DDX43: variants seen among roughly 807,000 people sequenced by gnomAD.
DDX43 encodes the protein probable ATP-dependent RNA helicase DDX43.
Under a neutral mutation model 84.9 loss-of-function variants are expected in DDX43, and 50 were observed. The observed-to-expected ratio is 0.59, with a 90% confidence interval of 0.47 to 0.75. The LOEUF (loss-of-function observed/expected upper bound fraction) is 0.75, where lower values mean the gene tolerates loss of function less well. Among genes scored for constraint, DDX43 ranks in the 30% least tolerant of loss-of-function variants. DDX43 has a pLI of 0.00. For synonymous variants in DDX43, 291 were observed against 266.3 expected (o/e 1.09, Z -0.90); for missense variants, 689 against 798.6 (o/e 0.86, Z 1.65).
chr6:73,404,363 G>A (rs1443337114), intron 4 of DDX43, among the ~76,000 whole-genome samples: 1 of 152,172 alleles, frequency 6.6e-6, no homozygotes, highest in Non-Finnish European at 1.5e-5. Context: ...GAAGTGCCAA[G>A]ATTACAGGTG....
At chr6:73,409,120 A>G (rs1769736704) in intron 9 of DDX43, 128 bp from the exon 10 acceptor site, 1 of 702,594 alleles carries the variant, frequency 1.4e-6, no homozygotes, top group Non-Finnish European at 2.5e-6. Flanking sequence ...TGGAGAAATT[A>G]GAATCGTGGC....
intron 11 of DDX43, among the ~76,000 whole-genome samples, chr6:73,412,668 T>TGTGTGTGTGCGCGCGC (rs538597626): frequency 2.2e-4 from 24 of 108,392 alleles, no homozygotes; most frequent in South Asian, 9.7e-4. Context: ...TGTGTGTGTG[T>TGTGTGTGTGCGCGCGC]GCGCGCGCGC....
In DDX43 at chr6:73,413,682, A is replaced by G; in HGVS notation, c.1393A>G (p.Ile465Val). The G allele has an allele frequency of 1.2e-6, 2 of 1,613,828 alleles. No homozygotes were observed. The highest frequency in any genetic ancestry group is 1.1e-5 in the South Asian group (1 of 91,024). ...GGCTGTAAGTTCAGTGAAGCAAAAT[A>G]TAATTGTAACCACCGAGGAAGAGAA... ...LVAVSSVKQN[I>V]IVTTEEEKWS... The change falls in exon 12 of 17, where the codon ATA (isoleucine) becomes GTA (valine). Residue 465 changes from isoleucine to valine, a missense_variant. By Grantham distance (29) the Ile-to-Val change is conservative. Around this residue, in one of 2 missense-constraint regions of DDX43, gnomAD observed 552 missense variants for 692.7 expected, o/e 0.80. Transcript: ENST00000370336.
At chr6:73,408,212 A>G in intron 9 of DDX43, 111 bp downstream of exon 9, 2 of 1,087,648 alleles carry the variant, frequency 1.8e-6, no homozygotes, top group South Asian at 1.5e-5. Context: ...AGGCAGGTGG[A>G]TCACCTAAGG....
intron 10 of DDX43, among the ~76,000 whole-genome samples, chr6:73,411,363 C>A (rs1769782307): frequency 1.4e-5 from 2 of 147,310 alleles, no homozygotes; most frequent in Admixed American, 1.4e-4. Context: ...GAGTCTCACT[C>A]TGTCACCCAG....
At chr6:73,412,668 T>TGTGTGTGCGC (rs538597626) in intron 11 of DDX43, among the ~76,000 whole-genome samples, 1,537 of 108,248 alleles carry the variant, frequency 0.014, 46 homozygotes, top group East Asian at 0.022. Flanking sequence ...TGTGTGTGTG[T>TGTGTGTGCGC]GCGCGCGCGC....
Position 73,408,108 on chromosome 6 carries a change from A to G in DDX43, c.1179+7A>G. 6.2e-7 allele frequency: 1 copy of G among 1,613,292 alleles called. No individual in the cohort carries two copies. Among genetic ancestry groups the G allele is most frequent in the Non-Finnish European group, 8.5e-7 (1 of 1,179,684 alleles). On this transcript the variant is annotated splice_region_variant and intron_variant, in intron 9 of 16. Coordinates refer to ENST00000370336, the MANE Select transcript of DDX43 (RefSeq NM_018665.3). ...GAAGAATATAACCTACTTGGTAATC[A>G]TGGAAATAGGGGTTTGAGATGCTGG... is the stretch of plus-strand genomic sequence containing the variant.
chr6:73,416,022 A>G (rs1488525411), intron 15 of DDX43, 91 bp from the exon 16 acceptor site: 8 of 727,136 alleles, frequency 1.1e-5, no homozygotes, highest in South Asian at 1.7e-5. Flanking sequence ...TCATGTAACC[A>G]GCTGTGCGAT....
chr6:73,409,073 C>CA lies in DDX43; in HGVS notation c.1180-174dup, dbSNP rs563838426. On this transcript the variant is annotated intron_variant, in intron 9 of 16. Transcript: ENST00000370336. The stretch of plus-strand genomic sequence containing the variant: ...GAAAGCCAACAAAAATCCATGTAGA[C>CA]AGTGTACAATGACAAATTGCTTAGT... 5.9e-5 allele frequency among the ~76,000 whole-genome samples: 9 copies of CA among 152,346 alleles called. No homozygotes were observed. In the South Asian group the frequency reaches 1.9e-3, roughly 32 times the overall value.
chr6:73,395,631 A>G (rs1769454130), intron 1 of DDX43, among the ~76,000 whole-genome samples: 1 of 151,980 alleles, frequency 6.6e-6, no homozygotes, highest in South Asian at 2.1e-4. Flanking sequence ...AAAAAAAAAA[A>G]AAAGTAATTT....
At chr6:73,401,083 T>C (rs1232558693) in intron 3 of DDX43, among the ~76,000 whole-genome samples, 1 of 152,162 alleles carries the variant, frequency 6.6e-6, no homozygotes. Flanking sequence ...GCGGGAGTGA[T>C]TCTCCCACCT....
chr6:73,415,246 C>T (rs113153593), intron 14 of DDX43, among the ~76,000 whole-genome samples: 2,580 of 151,954 alleles, frequency 0.017, 69 homozygotes, highest in African/African-American at 0.059. Context: ...TGCAGTAAGC[C>T]GAGATTGCGC....
rs193003462 is a variant in DDX43 at position 73,401,974 on chromosome 6, A to G, written c.552A>G (p.Gln184=). The change falls in exon 4 of 17, where the codon CAA becomes CAG. Residue 184 remains glutamine, a synonymous_variant. Transcript: ENST00000370336. ...DQIREEGLKW[Q]KTKWADLPPI... ...TTAGAGAGGAAGGTTTGAAATGGCA[A>G]AAAACAAAGTGGGCAGGTCAGTGCT... 83 of 1,614,124 alleles carry G rather than the reference A, an allele frequency of 5.1e-5. 2 individuals are homozygous for G. The Admixed American group carries it at 8.7e-4, about 17-fold the overall frequency.
chr6:73,405,732 C>T lies in DDX43; in HGVS notation c.704C>T (p.Pro235Leu). The change falls in exon 6 of 17, where the codon CCT becomes CTT. Residue 235 changes from proline to leucine, a missense_variant. By Grantham distance (98) the Pro-to-Leu change is moderately conservative. Around this residue, in one of 2 missense-constraint regions of DDX43, gnomAD observed 552 missense variants for 692.7 expected, o/e 0.80. Transcript: ENST00000370336. ...WDDLKDGEKRPIPNPTCTFDD... is the reference protein window; with the variant it reads ...WDDLKDGEKRLIPNPTCTFDD... Reference sequence around the variant, plus strand: ...GACTTGAAGGATGGGGAGAAACGACCTATCCCCAATCCTACCTGCACATTT... The same window carrying T: ...GACTTGAAGGATGGGGAGAAACGACTTATCCCCAATCCTACCTGCACATTT... 2 of 1,613,994 alleles carry T rather than the reference C, an allele frequency of 1.2e-6. No individual in the cohort carries two copies. The highest frequency in any genetic ancestry group is 1.7e-6 in the Non-Finnish European group (2 of 1,179,932).
chr6:73,407,622 A>G lies in DDX43; in HGVS notation c.1037+7A>G, dbSNP rs924010279. The G allele has an allele frequency of 1.3e-6, 2 of 1,571,310 alleles. No homozygotes were observed. Among genetic ancestry groups the G allele is most frequent in the African/African-American group, 2.7e-5 (2 of 73,740 alleles). ...CATATAAAGGGCTTCGGAGGTAAGT[A>G]ATTTTTTTTCCCATTCCTTCACCAG... On this transcript the variant is annotated splice_region_variant and intron_variant, in intron 8 of 16. Transcript: ENST00000370336.
chr6:73,412,331 T>A, intron 11 of DDX43, 39 bp downstream of exon 11: 1 of 1,557,124 alleles, frequency 6.4e-7, no homozygotes. Flanking sequence ...ACATTTCTTA[T>A]GAAAATTCTG....
At position 73,412,241 on chromosome 6, in the gene DDX43, A is replaced by G; in HGVS notation, c.1317A>G (p.Gln439=). 1.9e-6 allele frequency: 3 copies of G among 1,613,840 alleles called. No individual in the cohort carries two copies. The highest frequency in any genetic ancestry group is 2.5e-6 in the Non-Finnish European group (3 of 1,179,954). Residue 439 remains glutamine (Q), a synonymous_variant, in exon 11 of 17, where the codon CAA becomes CAG. Coordinates refer to ENST00000370336, the MANE Select transcript of DDX43 (RefSeq NM_018665.3). ...CTCATTCAGTTCATCGCCTCGCACA[A>G]TCTTATTTGAAAGAACCAATGATTG... ...TWPHSVHRLA[Q]SYLKEPMIVY...
chr6:73,406,491 TC>T lies in DDX43; in HGVS notation c.926+11del, dbSNP rs1769686812. ...CTGGTCCTTCAACCCAGGTAAGAATTCCTATGGCTGGTTTCTTCTTATAGAG... is the reference window on the plus strand; with the variant it reads ...CTGGTCCTTCAACCCAGGTAAGAATTCTATGGCTGGTTTCTTCTTATAGAG... On this transcript the variant is annotated intron_variant, in intron 7 of 16. Coordinates refer to ENST00000370336, the MANE Select transcript of DDX43 (RefSeq NM_018665.3). 1.3e-6 allele frequency: 2 copies of T among 1,547,594 alleles called. No homozygotes were observed. The highest frequency in any genetic ancestry group is 1.8e-6 in the Non-Finnish European group (2 of 1,121,466).
At chr6:73,410,684 C>A (rs534210961) in intron 10 of DDX43, among the ~76,000 whole-genome samples, 2 of 152,298 alleles carry the variant, frequency 1.3e-5, no homozygotes, top group Admixed American at 1.3e-4. Context: ...TCTCAGCCTT[C>A]CCAGCTCAAG....
Sources: allele counts gnomAD v4.1 joint callset (sites outside exome capture counted in the v4.1 genomes callset), GRCh38; gene constraint gnomAD v4.1.1; regional missense constraint gnomAD v4.1.1; transcripts MANE v1.5; gene names NCBI Gene and HGNC (gene_info 2026-07-23, HGNC 2026-07-21).